The following CEP128 variants were observed in gnomAD, a reference collection of about 807,000 sequenced individuals.
The protein encoded by CEP128 is centrosomal protein 128, also known as centrosomal protein 128kDa.
Under a neutral mutation model 156.7 loss-of-function variants are expected in CEP128, and 132 were observed. The observed-to-expected ratio is 0.84, with a 90% confidence interval of 0.73 to 0.97. CEP128 has a LOEUF of 0.97. CEP128 is among the 50% of genes least tolerant of loss of function. The pLI is 0.00. For synonymous variants in CEP128, 469 were observed against 448.9 expected (o/e 1.04, Z -0.57); for missense variants, 1,252 against 1,281.9 (o/e 0.98, Z 0.36).
intron 19 of CEP128, among the ~76,000 whole-genome samples, chr14:80,699,175 C>G (rs1002051968): frequency 3.9e-5 from 6 of 152,132 alleles, no homozygotes; most frequent in South Asian, 2.1e-4. Context: ...GATACGTCAG[C>G]CTCTGCCACA....
intron 14 of CEP128, among the ~76,000 whole-genome samples, chr14:80,485,435 A>G (rs1020276796): frequency 2.0e-5 from 3 of 152,112 alleles, no homozygotes; most frequent in South Asian, 4.1e-4. Flanking sequence ...ACAGTGAAAT[A>G]TGAATGAGTA....
At chr14:80,580,550 G>C in intron 19 of CEP128, 127 bp from the exon 20 acceptor site, 1 of 603,708 alleles carries the variant, frequency 1.7e-6, no homozygotes, top group South Asian at 2.4e-5. Flanking sequence ...ATGTTTAAGT[G>C]TGAGAAGCCA....
intron 19 of CEP128, among the ~76,000 whole-genome samples, chr14:80,716,573 T>C (rs151120960): frequency 6.6e-6 from 1 of 152,356 alleles, no homozygotes; most frequent in East Asian, 1.9e-4. Context: ...GTAAAATTTA[T>C]TAATACTGCA....
intron 13 of CEP128, among the ~76,000 whole-genome samples, chr14:80,808,915 C>T (rs544014812): frequency 1.6e-4 from 25 of 152,166 alleles, no homozygotes; most frequent in Admixed American, 3.3e-4. Context: ...ACAACTATTA[C>T]GACAGATATA....
At chr14:80,802,891 T>C (rs1883961197) in intron 13 of CEP128, among the ~76,000 whole-genome samples, 1 of 152,178 alleles carries the variant, frequency 6.6e-6, no homozygotes, top group Non-Finnish European at 1.5e-5. Flanking sequence ...GGAATGGACT[T>C]TTAGAACCAA....
intron 21 of CEP128, among the ~76,000 whole-genome samples, chr14:80,537,064 T>C (rs1889517468): frequency 6.6e-6 from 1 of 151,560 alleles, no homozygotes; most frequent in Non-Finnish European, 1.5e-5. Flanking sequence ...TCAAAAGTGG[T>C]AGATCTCCTT....
At chr14:80,956,412 C>T (rs766938286) in intron 2 of CEP128, among the ~76,000 whole-genome samples, 6 of 152,256 alleles carry the variant, frequency 3.9e-5, no homozygotes, top group South Asian at 2.1e-4. Flanking sequence ...TGAAATAGTA[C>T]GTCCAGAACC....
chr14:80,478,039 C>T (rs1886975775), exon 15 of CEP128: 2 of 152,190 alleles, frequency 1.3e-5, no homozygotes. Context: ...TACTTCCCTT[C>T]AGCTTCATCT....
At chr14:80,819,928 C>A (rs1296142066) in intron 13 of CEP128, among the ~76,000 whole-genome samples, 3 of 152,026 alleles carry the variant, frequency 2.0e-5, no homozygotes, top group East Asian at 1.9e-4. Flanking sequence ...AAAAACAGAA[C>A]ATAAAACCTG....
intron 8 of CEP128, among the ~76,000 whole-genome samples, chr14:80,866,615 T>C (rs887992566): frequency 2.0e-5 from 3 of 152,140 alleles, no homozygotes; most frequent in South Asian, 2.1e-4. Context: ...AATCTCTGCA[T>C]AGACTCATTA....
At chr14:80,907,983 T>G (rs35312312) in intron 4 of CEP128, among the ~76,000 whole-genome samples, 1 of 152,316 alleles carries the variant, frequency 6.6e-6, no homozygotes, top group South Asian at 2.1e-4. Context: ...ACTTTTGCTG[T>G]GTTTATTATT....
intron 9 of CEP128, among the ~76,000 whole-genome samples, chr14:80,853,524 A>G (rs910246025): frequency 4.0e-5 from 6 of 151,664 alleles, no homozygotes; most frequent in Admixed American, 3.9e-4. Context: ...ATTTTAAAAA[A>G]AAATCCCATT....
intron 21 of CEP128, among the ~76,000 whole-genome samples, chr14:80,555,551 A>G (rs1055700388): frequency 6.6e-6 from 1 of 152,074 alleles, no homozygotes; most frequent in African/African-American, 2.4e-5. Flanking sequence ...TCATTAATTA[A>G]TGAGTTAAAT....
intron 16 of CEP128, among the ~76,000 whole-genome samples, chr14:80,764,511 A>C (rs1900141148): frequency 6.6e-6 from 1 of 152,082 alleles, no homozygotes; most frequent in Non-Finnish European, 1.5e-5. Flanking sequence ...GTCTCAAAAA[A>C]AAAAAGAAAA....
At chr14:80,895,850 G>A in intron 7 of CEP128, 60 bp from the exon 8 acceptor site, 5 of 1,152,358 alleles carry the variant, frequency 4.3e-6, no homozygotes, top group Non-Finnish European at 6.0e-6. Context: ...CACAGAACGA[G>A]TGAAATGTAT....
chr14:80,935,343 G>A (rs1392908905), intron 2 of CEP128, among the ~76,000 whole-genome samples: 1 of 151,904 alleles, frequency 6.6e-6, no homozygotes, highest in Non-Finnish European at 1.5e-5. Flanking sequence ...TTGAGGTCAG[G>A]AGTTCAAGAC....
intron 20 of CEP128, among the ~76,000 whole-genome samples, chr14:80,562,641 G>A (rs1566781876): frequency 6.8e-6 from 1 of 147,560 alleles, no homozygotes; most frequent in Non-Finnish European, 1.5e-5. Context: ...CAACAACAGT[G>A]TAGCTTTTCT....
In CEP128 at chr14:80,635,003, G is replaced by C. The variant is rs57644214; in HGVS notation, c.2807-54580C>G. Among the ~76,000 whole-genome samples the C allele has an allele frequency of 5.1e-3, 771 of 152,284 alleles. 2 individuals are homozygous for C. Among genetic ancestry groups the C allele is most frequent in the African/African-American group, 0.018 (735 of 41,552 alleles). The stretch of plus-strand genomic sequence containing the variant: ...CCACTAATATATGACCTTGCTCCCA[G>C]ACGACCAGGCCTCCAAATTTATAAC... On this transcript the variant is annotated intron_variant, in intron 19 of 24. Transcript: ENST00000555265.
At chr14:80,680,172 G>A (rs531499241) in intron 19 of CEP128, among the ~76,000 whole-genome samples, 1 of 152,256 alleles carries the variant, frequency 6.6e-6, no homozygotes, top group South Asian at 2.1e-4. Flanking sequence ...GCAGGCTTAG[G>A]GGTGGGATGA....
Sources: allele counts gnomAD v4.1 joint callset (sites outside exome capture counted in the v4.1 genomes callset), GRCh38; gene constraint gnomAD v4.1.1; transcripts MANE v1.5; gene names NCBI Gene and HGNC (gene_info 2026-07-23, HGNC 2026-07-21).